The following MAGEB10 variants were observed in gnomAD, a reference collection of about 807,000 sequenced individuals.
MAGEB10 encodes MAGE family member B10.
For synonymous variants in MAGEB10, 99 were observed against 101.0 expected (o/e 0.98, Z 0.12); for missense variants, 190 against 261.9 (o/e 0.73, Z 1.89).
At chrX:27,809,714 G>A (rs187395057) in intron 1 of MAGEB10, among the ~76,000 whole-genome samples, 35,474 of 94,940 alleles carry the variant, frequency 0.37, 6,409 homozygotes, top group Non-Finnish European at 0.5. Flanking sequence ...TCCACCTGCG[G>A]CCCCAGTGCG....
At chrX:27,817,813 C>T (rs1422011237) in intron 2 of MAGEB10, 111 bp downstream of exon 2, 1 of 111,861 alleles carries the variant, frequency 8.9e-6, no homozygotes, top group Non-Finnish European at 1.9e-5. Flanking sequence ...AAAGGATTTA[C>T]TCAGAATGAC....
At chrX:27,819,788 A>G (rs1315142158) in intron 2 of MAGEB10, among the ~76,000 whole-genome samples, 1 of 111,727 alleles carries the variant, frequency 9.0e-6, no homozygotes, top group East Asian at 2.8e-4. Flanking sequence ...TGAGAAGCCC[A>G]TGAATGGAGT....
At chrX:27,808,641 C>T (rs1317104528) in intron 1 of MAGEB10, among the ~76,000 whole-genome samples, 2 of 111,394 alleles carry the variant, frequency 1.8e-5, no homozygotes, top group African/African-American at 6.5e-5. Context: ...GAAAAAACCC[C>T]GGGCAGGGAT....
intron 1 of MAGEB10, among the ~76,000 whole-genome samples, chrX:27,813,708 G>A (rs1004348188): frequency 1.8e-5 from 2 of 112,057 alleles, no homozygotes; most frequent in African/African-American, 6.5e-5. Context: ...ACCCTTCAGT[G>A]TCAGTCAATT....
intron 1 of MAGEB10, among the ~76,000 whole-genome samples, chrX:27,813,908 T>C (rs1015987206): frequency 8.9e-6 from 1 of 111,761 alleles, no homozygotes; most frequent in Non-Finnish European, 1.9e-5. Flanking sequence ...ATTTTTCCAG[T>C]GCAGTTGGGC....
intron 2 of MAGEB10, among the ~76,000 whole-genome samples, 170 bp from the exon 3 acceptor site, chrX:27,821,088 A>G (rs1923875914): frequency 8.9e-6 from 1 of 111,754 alleles, no homozygotes; most frequent in Admixed American, 9.4e-5. Context: ...AACCTAAAAC[A>G]CATCCTAGTT....
Position 27,822,286 on chromosome X carries a change from G to A in MAGEB10, c.980G>A (p.Arg327His), listed in dbSNP as rs766135559. 6 of 1,211,631 alleles carry A rather than the reference G, an allele frequency of 5.0e-6. No homozygotes were observed. In the South Asian group the frequency reaches 5.3e-5, roughly 11 times the overall value. ...AGAGCCAGAGTTGCAGCCAAGGCTC[G>A]CGTTAGTGCCACAGCCGGTGCACGT... Reference protein sequence around the residue: ...RARARVAAKARVSATAGARSK... With the variant: ...RARARVAAKAHVSATAGARSK... Residue 327 changes from arginine to histidine, a missense_variant, in exon 3 of 3, where the codon CGC becomes CAC. Coordinates refer to ENST00000356790, the MANE Select transcript of MAGEB10 (RefSeq NM_182506.3).
intron 1 of MAGEB10, among the ~76,000 whole-genome samples, chrX:27,808,418 C>G (rs1346975368): frequency 8.9e-6 from 1 of 112,153 alleles, no homozygotes; most frequent in Admixed American, 9.3e-5. Context: ...GGCAGCCCTT[C>G]GGTCCGTGGG....
chrX:27,812,273 C>T (rs964141897), intron 1 of MAGEB10: 6 of 172,304 alleles, frequency 3.5e-5, no homozygotes, highest in Non-Finnish European at 5.8e-5. Context: ...TGCAAGAGCC[C>T]ATTACAAAGG....
intron 1 of MAGEB10, among the ~76,000 whole-genome samples, chrX:27,810,184 T>A (rs1923650101): frequency 9.0e-6 from 1 of 111,669 alleles, no homozygotes; most frequent in African/African-American, 3.3e-5. Flanking sequence ...TCTTTCACTC[T>A]TTACAATAAA....
At chrX:27,810,701 C>T (rs902724675) in intron 1 of MAGEB10, among the ~76,000 whole-genome samples, 7 of 111,285 alleles carry the variant, frequency 6.3e-5, no homozygotes, top group African/African-American at 9.8e-5. Context: ...AGAGCAAAGA[C>T]TGAAGGGATT....
intron 1 of MAGEB10, among the ~76,000 whole-genome samples, chrX:27,816,640 G>A (rs912979807): frequency 2.7e-5 from 3 of 111,949 alleles, no homozygotes; most frequent in African/African-American, 9.7e-5. Context: ...GTGTTATTGA[G>A]TGCAGCGGGG....
At chrX:27,810,356 G>A (rs1185727743) in intron 1 of MAGEB10, among the ~76,000 whole-genome samples, 3 of 111,609 alleles carry the variant, frequency 2.7e-5, no homozygotes, top group Non-Finnish European at 3.8e-5. Flanking sequence ...CTCCGGACAC[G>A]CCACCTTTAA....
rs151160931 is a variant in MAGEB10 at position 27,821,896 on chromosome X, G to A, written c.590G>A (p.Gly197Asp). 3.0e-3 allele frequency: 3,585 copies of A among 1,209,878 alleles called. 3 individuals carry two copies. The highest frequency in any genetic ancestry group is 3.9e-3 in the Middle Eastern group (17 of 4,354). ...GATGCAAAGCTGAGTGATGAAACAGGCGTGCCCAAGACTGGCCTGCTGATG... is the reference window on the plus strand; with the variant it reads ...GATGCAAAGCTGAGTGATGAAACAGACGTGCCCAAGACTGGCCTGCTGATG... The part of the protein sequence containing the change: ...GCDAKLSDET[G>D]VPKTGLLMTV... Residue 197 changes from glycine to aspartate, a missense_variant, in exon 3 of 3, where the codon GGC (glycine) becomes GAC (aspartate). Coordinates refer to ENST00000356790, the MANE Select transcript of MAGEB10 (RefSeq NM_182506.3).
chrX:27,819,003 G>A (rs1923834843), intron 2 of MAGEB10, among the ~76,000 whole-genome samples: 1 of 110,807 alleles, frequency 9.0e-6, no homozygotes, highest in Admixed American at 9.6e-5. Context: ...TGAAGACCCT[G>A]ATGAAGTTTT....
chrX:27,817,457 T>C (rs1246502329), intron 1 of MAGEB10, 97 bp from the exon 2 acceptor site: 1 of 111,335 alleles, frequency 9.0e-6, no homozygotes, highest in Admixed American at 9.6e-5. Context: ...GGCTTTCTCT[T>C]ATATACATGT....
Position 27,822,616 on chromosome X carries a change from A to G in MAGEB10, c.*266A>G, listed in dbSNP as rs1923910879. On this transcript the variant is annotated 3_prime_UTR_variant, in exon 3 of 3. Transcript: ENST00000356790. Reference sequence around the variant, plus strand: ...ATTGCTTTATAAGTCTAATTGGGAAACTCTCCATTTATTTAGTGATCGAAA... The same window carrying G: ...ATTGCTTTATAAGTCTAATTGGGAAGCTCTCCATTTATTTAGTGATCGAAA... The G allele has an allele frequency of 9.0e-6, 3 of 334,888 alleles. No individual in the cohort carries two copies. In the South Asian group the frequency reaches 3.1e-4, roughly 35 times the overall value. 27.6% of individuals were successfully genotyped at this position (334,888 alleles called of 1,213,427 possible).
chrX:27,821,488 C>A lies in MAGEB10; in HGVS notation c.182C>A (p.Pro61His). 1.7e-6 allele frequency: 2 copies of A among 1,211,272 alleles called. No individual in the cohort carries two copies. The highest frequency in any genetic ancestry group is 2.2e-6 in the Non-Finnish European group (2 of 895,354). ...TCACTTGATGGGGCATCCAACAATC[C>A]CCATGGACTTCGGGAAGCCCAATCC... ...QSSLDGASNN[P>H]HGLREAQSTS... The change falls in exon 3 of 3, where the codon CCC becomes CAC. Residue 61 changes from proline to histidine, a missense_variant. Physicochemically the swap from Pro to His is moderately conservative, Grantham distance 77 (BLOSUM62 -2). Transcript: ENST00000356790.
rs780801950 is a variant in MAGEB10, at chrX:27,822,448, G to A, written c.*98G>A. The A allele has an allele frequency of 7.2e-6, 6 of 835,754 alleles. No homozygotes were observed. The highest frequency in any genetic ancestry group is 6.7e-5 in the East Asian group (2 of 29,693). The allele number at this position is 835,754 out of a possible 1,213,427, so 68.9% of individuals were successfully genotyped here. Reference sequence around the variant, plus strand: ...CTGGAGACAACACAGTGAATAATATGTTTGTGTTAATGTTCTATGTGATGG... The same window carrying A: ...CTGGAGACAACACAGTGAATAATATATTTGTGTTAATGTTCTATGTGATGG... On this transcript the variant is annotated 3_prime_UTR_variant, in exon 3 of 3. Transcript: ENST00000356790.
Sources: allele counts gnomAD v4.1 joint callset (sites outside exome capture counted in the v4.1 genomes callset), GRCh38; gene constraint gnomAD v4.1.1; transcripts MANE v1.5; gene names NCBI Gene and HGNC (gene_info 2026-07-23, HGNC 2026-07-21).